CCSER1: variants seen among roughly 807,000 people sequenced by gnomAD.
CCSER1 encodes the protein coiled-coil serine rich protein 1.
CCSER1 carries 41 observed loss-of-function variants against 82.0 expected under a neutral mutation model. The observed-to-expected ratio is 0.50, with a 90% confidence interval of 0.39 to 0.65. The LOEUF is 0.65. Ranked by LOEUF, CCSER1 falls within the 30% of genes least tolerant of loss-of-function variation. The pLI is 0.00. For missense variants in CCSER1, 1,119 were observed against 1,064.2 expected (o/e 1.05, Z -0.72); for synonymous variants, 414 against 383.9 (o/e 1.08, Z -0.92).
chr4:91,218,669 C>T (rs1030719289), intron 10 of CCSER1, among the ~76,000 whole-genome samples: 2 of 152,220 alleles, frequency 1.3e-5, no homozygotes, highest in Non-Finnish European at 2.9e-5. Context: ...ATACTTAGCA[C>T]TTTCCCCTTT....
At chr4:91,424,921 C>G (rs1449653708) in intron 10 of CCSER1, among the ~76,000 whole-genome samples, 3 of 152,106 alleles carry the variant, frequency 2.0e-5, no homozygotes, top group African/African-American at 7.2e-5. Context: ...TACCATAGTT[C>G]TTGTTTAATT....
At chr4:90,749,646 G>A (rs555975406) in intron 7 of CCSER1, among the ~76,000 whole-genome samples, 7 of 152,176 alleles carry the variant, frequency 4.6e-5, no homozygotes, top group Middle Eastern at 3.4e-3. Context: ...CCATTTTCAC[G>A]ATATTGATTC....
chr4:91,133,750 C>A (rs1728207055), intron 10 of CCSER1, among the ~76,000 whole-genome samples: 1 of 152,152 alleles, frequency 6.6e-6, no homozygotes, highest in African/African-American at 2.4e-5. Context: ...GGAATAATTT[C>A]TGGTTACAGG....
At chr4:90,890,330 A>G (rs1722774416) in intron 8 of CCSER1, among the ~76,000 whole-genome samples, 1 of 151,998 alleles carries the variant, frequency 6.6e-6, no homozygotes, top group Admixed American at 6.6e-5. Context: ...TAGACTCTAA[A>G]CTCCTATCCG....
At chr4:91,105,759 C>T (rs990874385) in intron 10 of CCSER1, among the ~76,000 whole-genome samples, 2 of 152,006 alleles carry the variant, frequency 1.3e-5, no homozygotes, top group African/African-American at 4.8e-5. Flanking sequence ...TAAACAGTTC[C>T]CTGTCTGCAA....
At chr4:91,003,621 G>A (rs1235129271) in intron 9 of CCSER1, among the ~76,000 whole-genome samples, 1 of 152,122 alleles carries the variant, frequency 6.6e-6, no homozygotes, top group Non-Finnish European at 1.5e-5. Flanking sequence ...GCAGGGCTGA[G>A]AACTTGTCCC....
At chr4:90,487,063 C>T (rs1025807943) in intron 5 of CCSER1, among the ~76,000 whole-genome samples, 1 of 152,186 alleles carries the variant, frequency 6.6e-6, no homozygotes, top group Non-Finnish European at 1.5e-5. Flanking sequence ...AGGGGCCCAC[C>T]ACCATGCCCA....
chr4:90,606,854 G>A (rs1384938928), intron 5 of CCSER1, among the ~76,000 whole-genome samples: 77 of 152,148 alleles, frequency 5.1e-4, no homozygotes. Context: ...GGTCCATAAT[G>A]TATAAATATT....
intron 10 of CCSER1, among the ~76,000 whole-genome samples, chr4:91,206,687 A>G (rs1736376095): frequency 6.6e-6 from 1 of 151,870 alleles, no homozygotes. Flanking sequence ...AGCCACCTGC[A>G]CAGGTATATC....
At chr4:90,980,446 T>G (rs6857018) in intron 9 of CCSER1, among the ~76,000 whole-genome samples, 54,590 of 151,542 alleles carry the variant, frequency 0.36, 10,746 homozygotes, top group African/African-American at 0.5. Flanking sequence ...TGAAAGTAAG[T>G]TAGAGAAGAA....
In CCSER1 at chr4:90,271,850, A is replaced by ATATATG. The variant is rs1560919264; in HGVS notation, c.-41-36389_-41-36388insGTATAT. Among the ~76,000 whole-genome samples the ATATATG allele has an allele frequency of 1.1e-3, 26 of 23,124 alleles. No individual in the cohort carries two copies. In the African/African-American group the frequency reaches 0.012, roughly 11 times the overall value. 15.2% of individuals were successfully genotyped at this position (23,124 alleles called of 152,430 possible). A position where few individuals can be genotyped will look rare whatever the true frequency, so the allele number is the denominator to read the frequency against. ...TTTATATATATATATATATATATAT[A>ATATATG]TATATATATATATTTTTTTTTTTTT... On this transcript the variant is annotated intron_variant, in intron 1 of 10. Coordinates refer to ENST00000509176, the MANE Select transcript of CCSER1 (RefSeq NM_001145065.2).
intron 8 of CCSER1, among the ~76,000 whole-genome samples, chr4:90,851,523 G>A (rs1356893855): frequency 3.3e-5 from 5 of 151,224 alleles, no homozygotes; most frequent in Non-Finnish European, 7.4e-5. Flanking sequence ...TTCCAATGCA[G>A]CCCTTGGAGA....
At chr4:90,917,901 C>G (rs752768155) in intron 8 of CCSER1, among the ~76,000 whole-genome samples, 2 of 151,886 alleles carry the variant, frequency 1.3e-5, no homozygotes, top group Non-Finnish European at 2.9e-5. Context: ...TTTACAGTGT[C>G]AGTTTTTCTA....
intron 9 of CCSER1, among the ~76,000 whole-genome samples, chr4:91,070,839 T>A (rs966425469): frequency 1.5e-4 from 23 of 152,128 alleles, no homozygotes; most frequent in Non-Finnish European, 4.4e-5. Flanking sequence ...TTAACAATTT[T>A]AAAAAATAAA....
At chr4:90,818,259 G>A (rs1213057803) in intron 8 of CCSER1, among the ~76,000 whole-genome samples, 1 of 148,890 alleles carries the variant, frequency 6.7e-6, no homozygotes. Context: ...AAAAAGAAAT[G>A]TTTTTCTTTT....
At chr4:90,694,496 A>G (rs539870637) in intron 6 of CCSER1, among the ~76,000 whole-genome samples, 2 of 152,042 alleles carry the variant, frequency 1.3e-5, no homozygotes, top group Non-Finnish European at 2.9e-5. Context: ...GAAAAAGTCA[A>G]TGGAAAGTAA....
chr4:91,499,309 T>C (rs80169621), intron 10 of CCSER1, among the ~76,000 whole-genome samples: 15,890 of 152,030 alleles, frequency 0.1, 988 homozygotes, highest in Middle Eastern at 0.19. Context: ...ATTTATTCAC[T>C]TTAAGCAACT....
At chr4:91,271,268 A>AC (rs980218178) in intron 10 of CCSER1, among the ~76,000 whole-genome samples, 1 of 152,072 alleles carries the variant, frequency 6.6e-6, no homozygotes, top group Non-Finnish European at 1.5e-5. Context: ...GTAGCATAGT[A>AC]CTTTTTTTTT....
At chr4:91,433,454 G>A (rs1754450338) in intron 10 of CCSER1, among the ~76,000 whole-genome samples, 1 of 152,066 alleles carries the variant, frequency 6.6e-6, no homozygotes, top group Non-Finnish European at 1.5e-5. Context: ...CTCGCCCAAG[G>A]CAGCTTCCAG....
Sources: allele counts gnomAD v4.1 joint callset (sites outside exome capture counted in the v4.1 genomes callset), GRCh38; gene constraint gnomAD v4.1.1; transcripts MANE v1.5; gene names NCBI Gene and HGNC (gene_info 2026-07-23, HGNC 2026-07-21).